Variants in GLIS3 observed in about 807,000 individuals in gnomAD.
GLIS3 encodes zinc finger protein GLIS3.
Under a neutral mutation model 78.6 loss-of-function variants are expected in GLIS3, and 53 were observed. The observed-to-expected ratio is 0.67, with a 90% CI of 0.54 to 0.85. The LOEUF (loss-of-function observed/expected upper bound fraction) is 0.85, where lower values mean the gene tolerates loss of function less well. GLIS3 is among the 40% of genes least tolerant of loss of function. The pLI is 0.00. For missense variants in GLIS3, 1,703 were observed against 1,231.1 expected, an observed-to-expected ratio of 1.38 and a Z score of -5.74; for synonymous variants, 684 against 509.9, an observed-to-expected ratio of 1.34 and a Z score of -4.60.
At position 3,833,442 on chromosome 9, in the gene GLIS3, G is replaced by A. The variant is rs1240163302; in HGVS notation, c.2474-3950C>T. Among the ~76,000 whole-genome samples the A allele has an allele frequency of 6.6e-5, 10 of 152,238 alleles. 1 individual carries two copies. Among genetic ancestry groups the A allele is most frequent in the South Asian group, 4.1e-4 (2 of 4,822 alleles). On this transcript the variant is annotated intron_variant, in intron 9 of 10. Transcript: ENST00000381971. ...TGATGAATGGCTCCTGCATTCCAGC[G>A]GTTGGATTTCACATAGCAAATTTGG...
At chr9:4,336,830 G>C (rs779276295) in intron 2 of GLIS3, among the ~76,000 whole-genome samples, 2 of 152,112 alleles carry the variant, frequency 1.3e-5, no homozygotes, top group Non-Finnish European at 2.9e-5. Flanking sequence ...CTACAGATCT[G>C]CTAAAAAGAT....
At chr9:3,955,734 A>G (rs1266382584) in intron 4 of GLIS3, among the ~76,000 whole-genome samples, 1 of 152,218 alleles carries the variant, frequency 6.6e-6, no homozygotes, top group African/African-American at 2.4e-5. Flanking sequence ...CAAAAGCCAT[A>G]GAGAATAATA....
intron 2 of GLIS3, among the ~76,000 whole-genome samples, chr9:4,141,509 T>C (rs550984310): frequency 6.6e-6 from 1 of 152,332 alleles, no homozygotes; most frequent in African/African-American, 2.4e-5. Context: ...TGTTCTGCTC[T>C]CTACAAACAC....
intron 2 of GLIS3, among the ~76,000 whole-genome samples, chr9:4,130,430 T>C (rs1325050265): frequency 6.6e-6 from 1 of 152,142 alleles, no homozygotes; most frequent in Admixed American, 6.5e-5. Context: ...GAGGGAAGAA[T>C]GATTTTATGG....
intron 6 of GLIS3, among the ~76,000 whole-genome samples, chr9:3,924,157 T>C (rs1825072910): frequency 6.6e-6 from 1 of 152,244 alleles, no homozygotes; most frequent in Admixed American, 6.5e-5. Flanking sequence ...TGTTGTGCTA[T>C]TGTCTGAGTA....
At chr9:4,322,551 G>C (rs1023722592) in intron 2 of GLIS3, among the ~76,000 whole-genome samples, 3 of 152,080 alleles carry the variant, frequency 2.0e-5, no homozygotes, top group African/African-American at 7.2e-5. Context: ...CTCCACTTTT[G>C]TTGTTGCCTC....
chr9:4,100,714 T>G (rs370896707), intron 4 of GLIS3, among the ~76,000 whole-genome samples: 3 of 152,236 alleles, frequency 2.0e-5, no homozygotes. Flanking sequence ...GTGTTCTAAG[T>G]GGTATAATAT....
At chr9:3,847,105 GC>G (rs755449374) in intron 9 of GLIS3, among the ~76,000 whole-genome samples, 1 of 152,100 alleles carries the variant, frequency 6.6e-6, no homozygotes, top group Non-Finnish European at 1.5e-5. Context: ...AATCACTTGA[GC>G]CCGGGAGGCA....
Position 4,188,238 on chromosome 9 carries a change from G to A in GLIS3, c.389-62297C>T, listed in dbSNP as rs948536845. On this transcript the variant is annotated intron_variant, in intron 2 of 10. Coordinates refer to ENST00000381971, the MANE Select transcript of GLIS3 (RefSeq NM_001042413.2). ...TTGAATTTTGTCAAAGGCCTTTTCT[G>A]CATCTATTGAGATAATCATGTGGTT... 2.6e-5 allele frequency among the ~76,000 whole-genome samples: 4 copies of A among 151,564 alleles called. No individual in the cohort carries two copies. The South Asian group carries it at 8.4e-4, about 32-fold the overall frequency.
chr9:4,167,894 C>G (rs1452390215), intron 2 of GLIS3, among the ~76,000 whole-genome samples: 1 of 152,280 alleles, frequency 6.6e-6, no homozygotes, highest in East Asian at 1.9e-4. Flanking sequence ...CACTTTCGGT[C>G]TGATTACTCC....
At chr9:4,314,158 G>A (rs1251445078) in intron 2 of GLIS3, among the ~76,000 whole-genome samples, 1 of 152,140 alleles carries the variant, frequency 6.6e-6, no homozygotes, top group Non-Finnish European at 1.5e-5. Context: ...CTCATAGGAT[G>A]GTCATGAGGA....
intron 4 of GLIS3, among the ~76,000 whole-genome samples, chr9:4,041,971 T>C (rs1051242230): frequency 2.6e-5 from 4 of 152,206 alleles, no homozygotes; most frequent in African/African-American, 9.6e-5. Context: ...TGATTTTGCA[T>C]GTCCTGAACC....
intron 2 of GLIS3, among the ~76,000 whole-genome samples, chr9:4,196,390 C>G (rs920493095): frequency 1.3e-5 from 2 of 152,212 alleles, no homozygotes; most frequent in Non-Finnish European, 2.9e-5. Flanking sequence ...CAGTGGCAAC[C>G]GGCTCAGGTC....
At chr9:4,064,188 T>C (rs1164009034) in intron 4 of GLIS3, among the ~76,000 whole-genome samples, 1 of 152,086 alleles carries the variant, frequency 6.6e-6, no homozygotes. Flanking sequence ...ACCTATTTAC[T>C]GAGGAAAAAA....
chr9:3,943,529 C>T (rs944412684), intron 4 of GLIS3, among the ~76,000 whole-genome samples: 2 of 152,176 alleles, frequency 1.3e-5, no homozygotes, highest in Non-Finnish European at 2.9e-5. Flanking sequence ...AGGTTCTACC[C>T]AGAGTAATAA....
intron 2 of GLIS3, among the ~76,000 whole-genome samples, chr9:4,231,184 G>GT (rs1170965849): frequency 6.6e-6 from 1 of 152,020 alleles, no homozygotes; most frequent in African/African-American, 2.4e-5. Flanking sequence ...GTAAGAACAG[G>GT]TAGATATAAA....
At chr9:4,261,356 G>C (rs148024462) in intron 2 of GLIS3, among the ~76,000 whole-genome samples, 10 of 152,292 alleles carry the variant, frequency 6.6e-5, no homozygotes, top group African/African-American at 2.2e-4. Context: ...GAGAAATAGG[G>C]ATGGAAGAGG....
chr9:3,930,935 C>T (rs1242538376), intron 6 of GLIS3, among the ~76,000 whole-genome samples: 1 of 152,016 alleles, frequency 6.6e-6, no homozygotes, highest in Admixed American at 6.6e-5. Flanking sequence ...TAGTTAATAG[C>T]ATGCAAAAAG....
chr9:4,290,051 G>GTGTTT, intron 1 of GLIS3, among the ~76,000 whole-genome samples: 1 of 152,226 alleles, frequency 6.6e-6, no homozygotes, highest in Admixed American at 6.5e-5. Flanking sequence ...CAAACGAAAA[G>GTGTTT]CAATGTTAAC....
Sources: allele counts gnomAD v4.1 joint callset (sites outside exome capture counted in the v4.1 genomes callset), GRCh38; gene constraint gnomAD v4.1.1; transcripts MANE v1.5; gene names NCBI Gene and HGNC (gene_info 2026-07-23, HGNC 2026-07-21).